The following C8orf88 variants were observed in gnomAD, a reference collection of about 807,000 sequenced individuals.
C8orf88 encodes the protein uncharacterized protein C8orf88.
In C8orf88, 14 loss-of-function variants were observed where a neutral mutation model predicts 18.4. The observed-to-expected ratio is 0.76, with a 90% CI of 0.50 to 1.19. C8orf88 has a LOEUF of 1.19. Among genes scored for constraint, C8orf88 ranks in the 50% most tolerant of loss-of-function variants. C8orf88 has a pLI of 0.00. For missense variants in C8orf88, 116 were observed against 134.7 expected (o/e 0.86, Z 0.69); for synonymous variants, 45 against 42.9 (o/e 1.05, Z -0.19).
At chr8:90,975,551 T>G (rs1811336431) in intron 3 of C8orf88, among the ~76,000 whole-genome samples, 1 of 151,920 alleles carries the variant, frequency 6.6e-6, no homozygotes, top group Non-Finnish European at 1.5e-5. Context: ...AGATGCCAAA[T>G]CTCACTAAAC....
intron 3 of C8orf88, 29 bp from the exon 4 acceptor site, chr8:90,971,170 T>A: frequency 7.6e-7 from 1 of 1,310,928 alleles, no homozygotes. Context: ...ATAAACTTTT[T>A]AACTCAGGTT....
chr8:90,958,941 AGTTATT>A lies in C8orf88; in HGVS notation c.*60_*65del. On this transcript the variant is annotated 3_prime_UTR_variant, in exon 6 of 6. Coordinates refer to ENST00000517562, the MANE Select transcript of C8orf88 (RefSeq NM_001190972.2). ...AAATTGAATTGTCACAGTCCATTAC[AGTTATT>A]GTTGCTAGATCCACCTCATTTGCAG... The A allele has an allele frequency of 1.1e-6, 1 of 920,512 alleles. No individual in the cohort carries two copies. Among genetic ancestry groups the A allele is most frequent in the Non-Finnish European group, 1.6e-6 (1 of 616,072 alleles). The allele number at this position is 920,512 out of a possible 1,614,324, so 57.0% of individuals were successfully genotyped here.
intron 4 of C8orf88, among the ~76,000 whole-genome samples, chr8:90,968,373 C>T (rs767824839): frequency 6.6e-6 from 1 of 151,150 alleles, no homozygotes; most frequent in Non-Finnish European, 1.5e-5. Context: ...AAGTGGATAC[C>T]CACATGACAA....
chr8:90,965,716 A>C (rs1242427560), intron 4 of C8orf88, among the ~76,000 whole-genome samples: 7 of 151,830 alleles, frequency 4.6e-5, no homozygotes, highest in Non-Finnish European at 1.0e-4. Flanking sequence ...TAAAACTAGA[A>C]ATCAAAACCA....
chr8:90,977,265 T>C (rs1811364292), intron 3 of C8orf88, among the ~76,000 whole-genome samples: 1 of 152,176 alleles, frequency 6.6e-6, no homozygotes, highest in African/African-American at 2.4e-5. Flanking sequence ...TCACCCAATG[T>C]TCAAGTCTGA....
chr8:90,959,855 AG>A (rs933107399), intron 5 of C8orf88, among the ~76,000 whole-genome samples: 10 of 151,370 alleles, frequency 6.6e-5, no homozygotes, highest in Admixed American at 3.3e-4. Context: ...AAACTCTAAT[AG>A]GAAGTTAAAT....
At position 90,984,732 on chromosome 8, in the gene C8orf88, C is replaced by A. The variant is rs552099113; in HGVS notation, c.-27+382G>T. ...AAACACCAGCAATGAAAACCTTGTG[C>A]CACCGGGTGGAGGGGGCAAATCGTC... On this transcript the variant is annotated intron_variant, in intron 1 of 5. Transcript: ENST00000517562. 1.4e-3 allele frequency among the ~76,000 whole-genome samples: 218 copies of A among 152,266 alleles called. 1 individual carries two copies. The highest frequency in any genetic ancestry group is 1.9e-4 in the Non-Finnish European group (13 of 68,016).
chr8:90,970,724 T>A (rs1266939915), intron 4 of C8orf88, among the ~76,000 whole-genome samples: 1 of 152,014 alleles, frequency 6.6e-6, no homozygotes, highest in Non-Finnish European at 1.5e-5. Flanking sequence ...GCAGTTATCT[T>A]GGGACCATGA....
At chr8:90,978,742 T>A (rs771907048) in intron 2 of C8orf88, 90 bp from the exon 3 acceptor site, 100 of 676,664 alleles carry the variant, frequency 1.5e-4, no homozygotes, top group Admixed American at 4.3e-4. Flanking sequence ...CAAGATATTC[T>A]TGGCACTGTT....
chr8:90,975,976 C>T (rs924779450), intron 3 of C8orf88, among the ~76,000 whole-genome samples: 7 of 150,418 alleles, frequency 4.7e-5, no homozygotes, highest in African/African-American at 1.2e-4. Context: ...GAAAGGATCT[C>T]ATAAACATAA....
intron 4 of C8orf88, among the ~76,000 whole-genome samples, chr8:90,966,408 A>T (rs1273920947): frequency 6.7e-6 from 1 of 148,302 alleles, no homozygotes; most frequent in Non-Finnish European, 1.5e-5. Context: ...ATGCTAGATG[A>T]TGAGTTAGTG....
intron 4 of C8orf88, 42 bp downstream of exon 4, chr8:90,971,024 A>G: frequency 1.8e-6 from 2 of 1,136,890 alleles, no homozygotes; most frequent in South Asian, 1.5e-5. Flanking sequence ...ATGAATGCTA[A>G]GACATTCAAT....
At chr8:90,979,783 T>C (rs967382411) in intron 2 of C8orf88, among the ~76,000 whole-genome samples, 1 of 152,176 alleles carries the variant, frequency 6.6e-6, no homozygotes, top group African/African-American at 2.4e-5. Context: ...AGAAGTTAAA[T>C]ACCAGGTATT....
At chr8:90,978,720 A>T (rs1438955948) in intron 2 of C8orf88, 68 bp from the exon 3 acceptor site, 1 of 894,670 alleles carries the variant, frequency 1.1e-6, no homozygotes, top group African/African-American at 1.7e-5. Context: ...TCAACTAAAA[A>T]GCTTAAGTAT....
intron 4 of C8orf88, among the ~76,000 whole-genome samples, chr8:90,967,846 A>G (rs1413526759): frequency 2.6e-5 from 4 of 151,788 alleles, no homozygotes; most frequent in African/African-American, 9.7e-5. Flanking sequence ...AGAATACAGT[A>G]CTTAGGAATA....
chr8:90,979,545 A>G (rs1811400970), intron 2 of C8orf88, among the ~76,000 whole-genome samples: 1 of 152,216 alleles, frequency 6.6e-6, no homozygotes, highest in African/African-American at 2.4e-5. Context: ...GAAGGATCCA[A>G]TGATGGGAAA....
chr8:90,966,625 C>T, intron 4 of C8orf88, among the ~76,000 whole-genome samples: 1 of 149,108 alleles, frequency 6.7e-6, no homozygotes, highest in Middle Eastern at 3.6e-3. Context: ...TTTACCAAGA[C>T]TGATTAGGAA....
intron 4 of C8orf88, among the ~76,000 whole-genome samples, chr8:90,964,608 T>C (rs1811169712): frequency 6.6e-6 from 1 of 151,656 alleles, no homozygotes; most frequent in Non-Finnish European, 1.5e-5. Context: ...CAGGTAAATA[T>C]AAAAGCATCA....
At chr8:90,965,887 A>G (rs1811187588) in intron 4 of C8orf88, among the ~76,000 whole-genome samples, 5 of 151,886 alleles carry the variant, frequency 3.3e-5, no homozygotes, top group Admixed American at 3.3e-4. Context: ...AACAGTGTTC[A>G]GATCATAGTT....
Sources: allele counts gnomAD v4.1 joint callset (sites outside exome capture counted in the v4.1 genomes callset), GRCh38; gene constraint gnomAD v4.1.1; transcripts MANE v1.5; gene names NCBI Gene and HGNC (gene_info 2026-07-23, HGNC 2026-07-21).